The following SVIL variants were observed in gnomAD, a reference collection of about 807,000 sequenced individuals.
SVIL encodes archvillin.
Under a neutral mutation model 240.4 loss-of-function variants are expected in SVIL, and 101 were observed. The ratio of observed to expected loss-of-function variants is 0.42; its 90% confidence interval spans 0.36 to 0.50. SVIL has a LOEUF of 0.50. Ranked by LOEUF, SVIL falls within the 20% of genes least tolerant of loss-of-function variation. SVIL has a pLI of 0.01. For missense variants in SVIL, 2,512 were observed against 2,818.7 expected (o/e 0.89, Z 2.46); for synonymous variants, 999 against 1,100.0 (o/e 0.91, Z 1.82).
chr10:29,607,293 T>A (rs1012210763), intron 1 of SVIL, among the ~76,000 whole-genome samples: 23 of 152,226 alleles, frequency 1.5e-4, no homozygotes, highest in African/African-American at 5.5e-4. Flanking sequence ...AGTACCACAT[T>A]ATTTTAATTA....
At chr10:29,554,175 G>C (rs978370207) in intron 5 of SVIL, among the ~76,000 whole-genome samples, 3 of 152,114 alleles carry the variant, frequency 2.0e-5, no homozygotes, top group Non-Finnish European at 4.4e-5. Context: ...GCCAGGCATG[G>C]TGGCACGCGC....
chr10:29,636,749 C>T (rs1051101933), upstream of SVIL, among the ~76,000 whole-genome samples: 22 of 152,272 alleles, frequency 1.4e-4, no homozygotes, highest in African/African-American at 4.8e-4. Flanking sequence ...CCAAACTGAT[C>T]TACAGATTAA....
chr10:29,689,058 T>C (rs1961301298), intron 1 of SVIL, among the ~76,000 whole-genome samples: 2 of 152,218 alleles, frequency 1.3e-5, no homozygotes, highest in African/African-American at 4.8e-5. Flanking sequence ...GTTGTTGATA[T>C]TTGCTAAGCT....
At chr10:29,592,164 A>T (rs1332221849) in intron 1 of SVIL, among the ~76,000 whole-genome samples, 1 of 152,192 alleles carries the variant, frequency 6.6e-6, no homozygotes, top group Non-Finnish European at 1.5e-5. Flanking sequence ...AGGTGGGAGA[A>T]TTGCTTGAAC....
At chr10:29,525,190 C>T (rs984388087) in intron 13 of SVIL, among the ~76,000 whole-genome samples, 4 of 152,152 alleles carry the variant, frequency 2.6e-5, no homozygotes, top group Admixed American at 6.5e-5. Context: ...TTTTTACTTG[C>T]TAAAGACAAA....
chr10:29,665,795 AAAACAAACAAAC>A (rs72253455), intron 2 of SVIL, among the ~76,000 whole-genome samples: 1 of 151,434 alleles, frequency 6.6e-6, no homozygotes, highest in Non-Finnish European at 1.5e-5. Flanking sequence ...CTCCATCTCA[AAAACAAACAAAC>A]AAACAAACAA....
intron 5 of SVIL, among the ~76,000 whole-genome samples, chr10:29,553,945 T>C (rs917590183): frequency 3.9e-5 from 6 of 152,238 alleles, no homozygotes; most frequent in African/African-American, 1.4e-4. Context: ...GAGAGGCCCC[T>C]ATCTTAGAGC....
At chr10:29,570,611 C>A (rs1955354706) in intron 1 of SVIL, among the ~76,000 whole-genome samples, 1 of 152,204 alleles carries the variant, frequency 6.6e-6, no homozygotes, top group African/African-American at 2.4e-5. Flanking sequence ...CCACTGCCTA[C>A]TGGAAATAAT....
chr10:29,653,976 G>A (rs75446002), intron 3 of SVIL, among the ~76,000 whole-genome samples: 1 of 152,120 alleles, frequency 6.6e-6, no homozygotes, highest in Non-Finnish European at 1.5e-5. Flanking sequence ...ACGTTTTGAA[G>A]CTGAGTCTCC....
chr10:29,612,193 C>T (rs1004827477), intron 1 of SVIL, among the ~76,000 whole-genome samples: 1 of 152,102 alleles, frequency 6.6e-6, no homozygotes, highest in African/African-American at 2.4e-5. Flanking sequence ...TGAGGTCATT[C>T]GAGCAAGGGT....
rs988306448 is a variant in SVIL, at chr10:29,597,079, G to T, written c.-200-27767C>A. On this transcript the variant is annotated intron_variant, in intron 1 of 37. Coordinates refer to ENST00000355867, the MANE Select transcript of SVIL (RefSeq NM_021738.3). ...TAAAAACGGTAATTCGGCAGCCAGGGAGAGACCGGCTCCTGAGGTTGCACA... is the reference window on the plus strand; with the variant it reads ...TAAAAACGGTAATTCGGCAGCCAGGTAGAGACCGGCTCCTGAGGTTGCACA... Among the ~76,000 whole-genome samples, 4 of 152,226 alleles carry T rather than the reference G, an allele frequency of 2.6e-5. No individual in the cohort carries two copies. In the East Asian group the frequency reaches 7.7e-4, roughly 29 times the overall value.
At chr10:29,575,532 A>G (rs1316698059) in intron 1 of SVIL, among the ~76,000 whole-genome samples, 1 of 152,164 alleles carries the variant, frequency 6.6e-6, no homozygotes, top group African/African-American at 2.4e-5. Context: ...ATAAATTCTG[A>G]TTCTTTAAGT....
At chr10:29,513,268 T>C (rs898677073) in intron 16 of SVIL, among the ~76,000 whole-genome samples, 6 of 152,186 alleles carry the variant, frequency 3.9e-5, no homozygotes, top group Non-Finnish European at 7.3e-5. Flanking sequence ...GATGCAGACA[T>C]GGGCTTAAAA....
chr10:29,662,619 T>A (rs1959171706), intron 2 of SVIL, among the ~76,000 whole-genome samples: 1 of 152,158 alleles, frequency 6.6e-6, no homozygotes. Flanking sequence ...AGGCTTGCCA[T>A]TCTGACAGCA....
At chr10:29,564,032 C>G (rs146791115) in intron 2 of SVIL, among the ~76,000 whole-genome samples, 1 of 152,132 alleles carries the variant, frequency 6.6e-6, no homozygotes. Context: ...GATAAAGGTA[C>G]GAATGGCCCT....
chr10:29,478,501 A>G (rs1018318758), intron 29 of SVIL, among the ~76,000 whole-genome samples: 1 of 152,174 alleles, frequency 6.6e-6, no homozygotes, highest in African/African-American at 2.4e-5. Context: ...CAGACAGAGT[A>G]ACTTTACCCA....
chr10:29,568,268 C>A (rs77479246), intron 2 of SVIL, among the ~76,000 whole-genome samples: 12,344 of 151,410 alleles, frequency 0.082, 567 homozygotes, highest in Admixed American at 0.13. Flanking sequence ...GGAAATACAC[C>A]AAGGATTTGT....
intron 2 of SVIL, among the ~76,000 whole-genome samples, chr10:29,669,800 G>T (rs931540449): frequency 1.3e-5 from 2 of 152,162 alleles, no homozygotes; most frequent in Non-Finnish European, 2.9e-5. Flanking sequence ...TGCTGTCTGG[G>T]AGTTAGTGAC....
intron 6 of SVIL, among the ~76,000 whole-genome samples, chr10:29,548,425 T>C (rs1952897662): frequency 6.6e-6 from 1 of 152,216 alleles, no homozygotes; most frequent in African/African-American, 2.4e-5. Flanking sequence ...AGCAGGACAG[T>C]TAAGTAAATT....
Sources: allele counts gnomAD v4.1 joint callset (sites outside exome capture counted in the v4.1 genomes callset), GRCh38; gene constraint gnomAD v4.1.1; transcripts MANE v1.5; gene names NCBI Gene and HGNC (gene_info 2026-07-23, HGNC 2026-07-21).